ACTA2: variants seen among roughly 807,000 people sequenced by gnomAD.
ACTA2 encodes actin, aortic smooth muscle.
ACTA2 carries 12 observed loss-of-function variants against 39.5 expected under a neutral mutation model. That is an observed-to-expected ratio of 0.30 (90% CI 0.19 to 0.49). The LOEUF is 0.49. Among genes scored for constraint, ACTA2 ranks in the 20% least tolerant of loss-of-function variants. The pLI is 0.99. For synonymous variants in ACTA2, 158 were observed against 180.6 expected (o/e 0.88, Z 1.00); for missense variants, 236 against 498.8 (o/e 0.47, Z 5.02).
At position 88,973,315 on chromosome 10, in the gene ACTA2, A is replaced by T. The variant is rs763261191; in HGVS notation, c.-24+17624T>A. On this transcript the variant is annotated intron_variant, in intron 1 of 4. Coordinates refer to the ACTA2 transcript ENST00000415557. ...TCATCACCATCTGAACAGCTCTGAG[A>T]GAGACAAGAAGTGGAATGGAGAAGG... The T allele has an allele frequency of 6.4e-6, 10 of 1,574,354 alleles. No individual in the cohort carries two copies. The East Asian group carries it at 2.3e-4, about 36-fold the overall frequency.
intron 1 of ACTA2, among the ~76,000 whole-genome samples, chr10:88,978,901 T>G (rs1307119258): frequency 6.6e-6 from 1 of 151,372 alleles, no homozygotes; most frequent in East Asian, 1.9e-4. Flanking sequence ...ATTATTATTA[T>G]TATATTATTA....
rs1053093477 is a variant in ACTA2 at position 88,952,756 on chromosome 10, C to G, written c.-49G>C. ...CCTGACAGTGCTTGGCTGGGCTGCT[C>G]CACACTGGGTGGTGTTCAGGGAAGC... On this transcript the variant is annotated 5_prime_UTR_variant, in exon 1 of 9. Transcript: ENST00000224784. The G allele has an allele frequency of 6.6e-6, 1 of 152,298 alleles. No individual in the cohort carries two copies. The highest frequency in any genetic ancestry group is 2.4e-5 in the African/African-American group (1 of 41,458). 9.4% of individuals were successfully genotyped at this position (152,298 alleles called of 1,614,324 possible).
At position 88,943,812 on chromosome 10, in the gene ACTA2, C is replaced by T; in HGVS notation, c.354G>A (p.Arg118=). The T allele has an allele frequency of 6.2e-7, 1 of 1,613,766 alleles. No individual in the cohort carries two copies. Among genetic ancestry groups the T allele is most frequent in the South Asian group, 1.1e-5 (1 of 91,066 alleles). ...TEAPLNPKAN[R]EKMTQIMFET... ...GCATACTTACTTGAGTCATTTTCTC[C>T]CGGTTGGCCTTGGGGTTCAGGGGTG... is the stretch of plus-strand genomic sequence containing the variant. The change falls in exon 4 of 9, where the codon CGG becomes CGA. Residue 118 remains arginine (R), a synonymous_variant. Coordinates refer to ENST00000224784, the MANE Select transcript of ACTA2 (RefSeq NM_001613.4).
Position 88,939,474 on chromosome 10 carries a change from C to A in ACTA2, c.808+33G>T, listed in dbSNP as rs781223347. The A allele has an allele frequency of 6.2e-6, 10 of 1,611,482 alleles. No homozygotes were observed. The South Asian group carries it at 9.9e-5, about 16-fold the overall frequency. ...CTTGATATGGAAGAAGACAATGACT[C>A]CCCTTCCCAGGAAAAGGGCGTTTGT... On this transcript the variant is annotated intron_variant, in intron 7 of 8. Transcript: ENST00000224784.
At chr10:88,935,585 C>G (rs907726869) in intron 8 of ACTA2, 2 of 502,968 alleles carry the variant, frequency 4.0e-6, no homozygotes, top group East Asian at 3.8e-5. Flanking sequence ...TAAGCACATT[C>G]GTTTTTCTCA....
intron 1 of ACTA2, among the ~76,000 whole-genome samples, chr10:88,976,191 A>G (rs556968243): frequency 4.3e-4 from 66 of 152,196 alleles, no homozygotes; most frequent in African/African-American, 1.5e-3. Context: ...AACACTAACT[A>G]TAGCTGATGA....
rs1847091496 is a variant in ACTA2, at chr10:88,990,453, T to G, written c.-24+486A>C. On this transcript the variant is annotated intron_variant, in intron 1 of 4. Transcript: ENST00000415557. This position sits in a 1 kb window ranked among gnomAD's most constrained non-coding sequence, Gnocchi z 4.9. Reference sequence around the variant, plus strand: ...CACCTGAAGTGAGCATGCCAGCCACTGCAGGAACGCCCCGGGACAGGAATG... The same window carrying G: ...CACCTGAAGTGAGCATGCCAGCCACGGCAGGAACGCCCCGGGACAGGAATG... 1 of 508,064 alleles carries G rather than the reference T, an allele frequency of 2.0e-6. No individual in the cohort carries two copies. Among genetic ancestry groups the G allele is most frequent in the African/African-American group, 1.9e-5 (1 of 53,578 alleles). The allele number at this position is 508,064 out of a possible 1,614,324, so 31.5% of individuals were successfully genotyped here.
Position 88,935,223 on chromosome 10 carries a change from T to C in ACTA2, c.1134A>G (p.Ter378=). The C allele has an allele frequency of 6.2e-7, 1 of 1,613,012 alleles. No individual in the cohort carries two copies. The highest frequency in any genetic ancestry group is 8.5e-7 in the Non-Finnish European group (1 of 1,179,732). The change falls in exon 9 of 9, where the codon TAA becomes TAG. Residue 378 remains the stop codon, a stop_retained_variant. Coordinates refer to ENST00000224784, the MANE Select transcript of ACTA2 (RefSeq NM_001613.4). Reference sequence around the variant, plus strand: ...AGACAGAGAGGAGCAGGAAAGTGTTTTAGAAGCATTTGCGGTGGACAATGG... The same window carrying C: ...AGACAGAGAGGAGCAGGAAAGTGTTCTAGAAGCATTTGCGGTGGACAATGG... ...GPSIVHRKCF[*]
intron 8 of ACTA2, 41 bp downstream of exon 8, chr10:88,938,020 C>G (rs746392860): frequency 6.2e-7 from 1 of 1,611,376 alleles, no homozygotes; most frequent in Non-Finnish European, 8.5e-7. Flanking sequence ...AGGGCTGACA[C>G]TGCTGGCGGC....
chr10:88,964,708 T>G (rs1846290794), intron 1 of ACTA2, among the ~76,000 whole-genome samples: 1 of 152,152 alleles, frequency 6.6e-6, no homozygotes. Context: ...CAGAGAGGCA[T>G]ATTTTGGGGT....
intron 1 of ACTA2, among the ~76,000 whole-genome samples, chr10:88,958,769 A>G (rs12240579): frequency 0.016 from 2,389 of 152,230 alleles, 71 homozygotes; most frequent in African/African-American, 0.055. Flanking sequence ...CCAGCTTCCT[A>G]GTGATTGAAG....
chr10:88,968,270 C>G (rs1005138719), intron 1 of ACTA2, among the ~76,000 whole-genome samples: 6 of 152,082 alleles, frequency 3.9e-5, no homozygotes, highest in Non-Finnish European at 7.4e-5. Flanking sequence ...TTTGAGTGGT[C>G]CTATCTATGC....
At chr10:88,989,935 T>C (rs2133378441) in intron 1 of ACTA2, among the ~76,000 whole-genome samples, 1 of 152,338 alleles carries the variant, frequency 6.6e-6, no homozygotes, top group Middle Eastern at 3.4e-3. Context: ...AAGAGCTATC[T>C]ACCGTTCCAA....
chr10:88,984,670 A>G (rs755876103), intron 1 of ACTA2, among the ~76,000 whole-genome samples: 2 of 151,620 alleles, frequency 1.3e-5, no homozygotes, highest in Non-Finnish European at 3.0e-5. Context: ...GCCTCTCTTG[A>G]CTTCTTATGT....
chr10:88,955,275 G>A (rs370573359), upstream of ACTA2, among the ~76,000 whole-genome samples: 9 of 152,298 alleles, frequency 5.9e-5, no homozygotes, highest in Admixed American at 1.3e-4. Context: ...GCAAATAGCC[G>A]TATAATATTG....
intron 3 of ACTA2, among the ~76,000 whole-genome samples, chr10:88,944,959 A>T (rs1589397166): frequency 6.6e-6 from 1 of 152,248 alleles, no homozygotes; most frequent in Admixed American, 6.5e-5. Flanking sequence ...AGCTTTAAAG[A>T]CTATCTTATT....
At chr10:88,991,276 G>A (rs1252875500) in exon 1 of ACTA2, 1 of 432,476 alleles carries the variant, frequency 2.3e-6, no homozygotes, top group East Asian at 4.3e-5. Flanking sequence ...TCGCTGGAGG[G>A]GGACCCCGGT....
At position 88,940,752 on chromosome 10, in the gene ACTA2, G is replaced by A. The variant is rs562617009; in HGVS notation, c.616+477C>T. 5.0e-4 allele frequency: 111 copies of A among 224,238 alleles called. 1 individual carries two copies. The highest frequency in any genetic ancestry group is 3.6e-3 in the Middle Eastern group (2 of 548). The allele number at this position is 224,238 out of a possible 1,614,324, so 13.9% of individuals were successfully genotyped here. A position where few individuals can be genotyped will look rare whatever the true frequency, so the allele number is the denominator to read the frequency against. Reference sequence around the variant, plus strand: ...TTACTCTATGTCAAGTATTCCACATGCGTTCTTCCATTTAATACTGATAAC... The same window carrying A: ...TTACTCTATGTCAAGTATTCCACATACGTTCTTCCATTTAATACTGATAAC... On this transcript the variant is annotated intron_variant, in intron 6 of 8. Coordinates refer to ENST00000224784, the MANE Select transcript of ACTA2 (RefSeq NM_001613.4).
At chr10:88,954,701 A>C (rs1454639181), upstream of ACTA2, among the ~76,000 whole-genome samples, 1 of 152,228 alleles carries the variant, frequency 6.6e-6, no homozygotes, top group Non-Finnish European at 1.5e-5. Flanking sequence ...TGATGAAATA[A>C]AGAGACATAT....
Sources: gnomAD v4.1 joint callset for allele counts (sites outside exome capture counted in the v4.1 genomes callset) on GRCh38, gnomAD v4.1.1 for gene constraint, Gnocchi (gnomAD v3.1) non-coding constraint, MANE v1.5 for transcripts, NCBI Gene and HGNC (gene_info 2026-07-23, HGNC 2026-07-21) for gene names.